The following ZNF609 variants were observed in gnomAD, a reference collection of about 807,000 sequenced individuals.
ZNF609 encodes zinc finger protein 609.
In ZNF609, 11 loss-of-function variants were observed where a neutral mutation model predicts 109.5. The ratio of observed to expected loss-of-function variants is 0.10; its 90% CI spans 0.06 to 0.17. The LOEUF (loss-of-function observed/expected upper bound fraction) is 0.17. Ranked by LOEUF, ZNF609 falls within the 10% of genes least tolerant of loss-of-function variation. The pLI is 1.00. For missense variants in ZNF609, 1,559 were observed against 1,772.4 expected, an observed-to-expected ratio of 0.88 and a Z score of 2.16; for synonymous variants, 646 against 662.0, an observed-to-expected ratio of 0.98 and a Z score of 0.37.
intron 2 of ZNF609, among the ~76,000 whole-genome samples, chr15:64,523,527 G>C (rs1307651326): frequency 6.6e-6 from 1 of 152,120 alleles, no homozygotes; most frequent in East Asian, 1.9e-4. Context: ...TGTAATCCCA[G>C]CACTTCGGGA....
At chr15:64,551,944 C>A (rs1261895755) in intron 2 of ZNF609, among the ~76,000 whole-genome samples, 2 of 140,436 alleles carry the variant, frequency 1.4e-5, no homozygotes, top group Non-Finnish European at 3.2e-5. Flanking sequence ...CGAGGTCGCA[C>A]CACTGCACTC....
chr15:64,550,764 C>A (rs1894454211), intron 2 of ZNF609, among the ~76,000 whole-genome samples: 1 of 143,470 alleles, frequency 7.0e-6, no homozygotes, highest in Admixed American at 7.6e-5. Context: ...TGAACCCAGG[C>A]AGTGGAAATT....
intron 2 of ZNF609, among the ~76,000 whole-genome samples, chr15:64,525,220 T>G (rs1893953074): frequency 6.6e-6 from 1 of 152,198 alleles, no homozygotes; most frequent in African/African-American, 2.4e-5. Flanking sequence ...GCTCTTACAT[T>G]TAGGTATTTG....
At chr15:64,472,055 T>A (rs373245542) in intron 1 of ZNF609, among the ~76,000 whole-genome samples, 1 of 151,874 alleles carries the variant, frequency 6.6e-6, no homozygotes, top group East Asian at 1.9e-4. Flanking sequence ...GTATTATAGG[T>A]GTCTGCCACC....
intron 2 of ZNF609, among the ~76,000 whole-genome samples, chr15:64,614,287 G>A (rs1170806502): frequency 1.3e-5 from 2 of 149,914 alleles, no homozygotes; most frequent in African/African-American, 4.9e-5. Flanking sequence ...CTGGAGTGCA[G>A]TGGCGCGATC....
At chr15:64,479,912 C>G (rs907848692) in intron 1 of ZNF609, among the ~76,000 whole-genome samples, 2 of 151,432 alleles carry the variant, frequency 1.3e-5, no homozygotes, top group African/African-American at 2.4e-5. Flanking sequence ...GACTGAGACT[C>G]TGTCTCAAAT....
intron 2 of ZNF609, among the ~76,000 whole-genome samples, chr15:64,617,044 G>C (rs1212702803): frequency 6.6e-6 from 1 of 151,726 alleles, no homozygotes; most frequent in Non-Finnish European, 1.5e-5. Flanking sequence ...CTGGCCTCAG[G>C]TGATCCACCT....
chr15:64,521,593 C>T (rs549604284), intron 2 of ZNF609, among the ~76,000 whole-genome samples: 37 of 152,264 alleles, frequency 2.4e-4, no homozygotes, highest in African/African-American at 7.7e-4. Context: ...GCTGCCAAGA[C>T]GACAGTCAGG....
chr15:64,678,555 T>C (rs1400398340), intron 6 of ZNF609, 73 bp downstream of exon 6: 2 of 1,514,260 alleles, frequency 1.3e-6, no homozygotes, highest in Non-Finnish European at 1.8e-6. Flanking sequence ...CATCCAGAGT[T>C]TTCTTGCTCA....
intron 3 of ZNF609, among the ~76,000 whole-genome samples, chr15:64,650,887 TG>T (rs1896406373): frequency 7.2e-6 from 1 of 139,204 alleles, no homozygotes; most frequent in South Asian, 2.5e-4. Context: ...TTTGTGTTGA[TG>T]GGTGGGGGGG....
intron 3 of ZNF609, among the ~76,000 whole-genome samples, chr15:64,656,313 C>G (rs1896486921): frequency 6.6e-6 from 1 of 152,196 alleles, no homozygotes; most frequent in African/African-American, 2.4e-5. Flanking sequence ...ATCAGCCTGC[C>G]TCAGCCTTCC....
At chr15:64,623,188 C>T (rs1162901473) in intron 3 of ZNF609, 136 bp downstream of exon 3, 5 of 888,558 alleles carry the variant, frequency 5.6e-6, no homozygotes, top group Non-Finnish European at 8.6e-6. Flanking sequence ...GATACCCACA[C>T]AGAGGATTTT....
intron 3 of ZNF609, among the ~76,000 whole-genome samples, chr15:64,639,026 A>G (rs1338431639): frequency 6.6e-6 from 1 of 152,196 alleles, no homozygotes; most frequent in East Asian, 1.9e-4. Flanking sequence ...TTAGGAGGCC[A>G]AGGCAGAAGG....
chr15:64,647,890 G>A (rs1260911994), intron 3 of ZNF609, among the ~76,000 whole-genome samples: 1 of 152,126 alleles, frequency 6.6e-6, no homozygotes, highest in Non-Finnish European at 1.5e-5. Flanking sequence ...TCCTCTTGCT[G>A]CATTTTGCCT....
At chr15:64,573,337 C>T (rs540625) in intron 2 of ZNF609, among the ~76,000 whole-genome samples, 117,646 of 137,632 alleles carry the variant, frequency 0.85, 51,793 homozygotes, top group East Asian at 0.96. Flanking sequence ...GAGTTAGTGG[C>T]CCAACTTTCT....
At chr15:64,616,812 CTTTTTTTTTTTTTT>C (rs56338576) in intron 2 of ZNF609, among the ~76,000 whole-genome samples, 1 of 32,832 alleles carries the variant, frequency 3.0e-5, no homozygotes, top group African/African-American at 1.4e-4. Context: ...AGCCACCATG[CTTTTTTTTTTTTTT>C]TTTTTTTTTT....
chr15:64,507,039 G>A (rs537091936), intron 2 of ZNF609, among the ~76,000 whole-genome samples: 4 of 151,746 alleles, frequency 2.6e-5, no homozygotes, highest in African/African-American at 9.7e-5. Flanking sequence ...AGTTGGAGGT[G>A]GGGGGAAGAC....
chr15:64,464,067 A>G (rs1274355591), intron 1 of ZNF609, among the ~76,000 whole-genome samples: 2 of 152,128 alleles, frequency 1.3e-5, no homozygotes, highest in East Asian at 1.9e-4. Flanking sequence ...TTGGTAGAAA[A>G]AAATTTCCTT....
chr15:64,623,457 A>T (rs1895908466), intron 3 of ZNF609, among the ~76,000 whole-genome samples: 1 of 152,198 alleles, frequency 6.6e-6, no homozygotes. Flanking sequence ...AAATTCACTT[A>T]ATGTTGGCTC....
Sources: gnomAD v4.1 joint callset for allele counts (sites outside exome capture counted in the v4.1 genomes callset) on GRCh38, gnomAD v4.1.1 for gene constraint, MANE v1.5 for transcripts, NCBI Gene and HGNC (gene_info 2026-07-23, HGNC 2026-07-21) for gene names.